CCDC148: variants seen among roughly 807,000 people sequenced by gnomAD.
The protein encoded by CCDC148 is coiled-coil domain-containing protein 148.
CCDC148 carries 89 observed loss-of-function variants against 85.7 expected under a neutral mutation model. That is an observed-to-expected ratio of 1.04 (90% CI 0.87 to 1.24). CCDC148 has a LOEUF of 1.24. CCDC148 is among the 50% of genes most tolerant of loss of function. The pLI, the probability that CCDC148 is intolerant of heterozygous loss-of-function variation, is 0.00. For missense variants in CCDC148, 692 were observed against 671.7 expected (o/e 1.03, Z -0.33); for synonymous variants, 230 against 213.9 (o/e 1.08, Z -0.66).
chr2:158,312,047 T>TCTAAATAATTC (rs1692045372), intron 8 of CCDC148, among the ~76,000 whole-genome samples: 2 of 152,194 alleles, frequency 1.3e-5, no homozygotes, highest in African/African-American at 4.8e-5. Flanking sequence ...TTTGCCAGTA[T>TCTAAATAATTC]AGACCATGAC....
intron 1 of CCDC148, among the ~76,000 whole-genome samples, chr2:158,419,210 T>C (rs72944436): frequency 0.047 from 7,105 of 152,272 alleles, 253 homozygotes; most frequent in Non-Finnish European, 0.063. Context: ...AATAATTCTA[T>C]TGACTTCCAA....
intron 1 of CCDC148, among the ~76,000 whole-genome samples, chr2:158,421,399 C>T (rs1256396358): frequency 4.6e-5 from 7 of 152,200 alleles, no homozygotes; most frequent in East Asian, 1.9e-4. Flanking sequence ...TCTCAGACTA[C>T]AGTGCAATCA....
At chr2:158,398,035 A>G (rs992370075) in intron 1 of CCDC148, among the ~76,000 whole-genome samples, 9 of 152,214 alleles carry the variant, frequency 5.9e-5, no homozygotes, top group African/African-American at 1.7e-4. Context: ...AAAGAAGGCC[A>G]TTACATAATA....
intron 1 of CCDC148, among the ~76,000 whole-genome samples, chr2:158,436,440 C>G (rs1482541014): frequency 6.6e-6 from 1 of 152,150 alleles, no homozygotes; most frequent in Admixed American, 6.5e-5. Context: ...AGAACAAAGA[C>G]ACAACATACC....
At position 158,189,968 on chromosome 2, in the gene CCDC148, C is replaced by T. The variant is rs1685342317; in HGVS notation, c.1371-10972G>A. Among the ~76,000 whole-genome samples the T allele has an allele frequency of 1.3e-5, 2 of 151,890 alleles. 1 individual carries two copies. Among genetic ancestry groups the T allele is most frequent in the South Asian group, 4.1e-4 (2 of 4,820 alleles). ...TGATGGAAAGCATTCTATTGAATAT[C>T]CTAAGCTGTAGGTAAATAACAGGAC... On this transcript the variant is annotated intron_variant, in intron 11 of 13. Transcript: ENST00000283233.
At chr2:158,216,386 CTTTTTTTT>C (rs397697591) in intron 11 of CCDC148, among the ~76,000 whole-genome samples, 38 of 59,468 alleles carry the variant, frequency 6.4e-4, no homozygotes, top group East Asian at 1.0e-3. Context: ...AAGCACAATA[CTTTTTTTT>C]TTTTTTTTTT....
rs527241348 is a variant in CCDC148 at position 158,359,529 on chromosome 2, C to G, written c.26-959G>C. Among the ~76,000 whole-genome samples, 8 of 152,264 alleles carry G rather than the reference C, an allele frequency of 5.3e-5. No homozygotes were observed. The South Asian group carries it at 1.5e-3, about 28-fold the overall frequency. Reference sequence around the variant, plus strand: ...TTAGACAGTGGGTGCAGCCCACAGACAGCAAGCCGAAGCAGGGTGGGGTGT... The same window carrying G: ...TTAGACAGTGGGTGCAGCCCACAGAGAGCAAGCCGAAGCAGGGTGGGGTGT... On this transcript the variant is annotated intron_variant, in intron 1 of 13. Transcript: ENST00000283233.
chr2:158,328,409 A>G (rs922539704), intron 7 of CCDC148, among the ~76,000 whole-genome samples: 1 of 152,112 alleles, frequency 6.6e-6, no homozygotes, highest in African/African-American at 2.4e-5. Context: ...AATCCAGTCT[A>G]TCATTGTTGG....
At chr2:158,180,601 C>T (rs1423359767) in intron 11 of CCDC148, among the ~76,000 whole-genome samples, 1 of 151,970 alleles carries the variant, frequency 6.6e-6, no homozygotes, top group Non-Finnish European at 1.5e-5. Flanking sequence ...TCATGGAGGC[C>T]ACGAGAGGGG....
At chr2:158,198,122 T>C (rs2105279570) in intron 11 of CCDC148, among the ~76,000 whole-genome samples, 1 of 152,258 alleles carries the variant, frequency 6.6e-6, no homozygotes, top group African/African-American at 2.4e-5. Context: ...CATGGAGATT[T>C]GGCAGGAGGA....
intron 9 of CCDC148, among the ~76,000 whole-genome samples, chr2:158,275,890 C>T (rs1689918570): frequency 6.6e-6 from 1 of 151,988 alleles, no homozygotes; most frequent in African/African-American, 2.4e-5. Flanking sequence ...CTTCTCTGTA[C>T]CCATAGAAAT....
At chr2:158,242,003 C>A (rs1242054140) in intron 10 of CCDC148, among the ~76,000 whole-genome samples, 1 of 152,156 alleles carries the variant, frequency 6.6e-6, no homozygotes, top group African/African-American at 2.4e-5. Flanking sequence ...GATGTACTTA[C>A]TAATGAGTCA....
intron 1 of CCDC148, among the ~76,000 whole-genome samples, chr2:158,399,268 AT>A (rs1330027728): frequency 6.6e-6 from 1 of 152,186 alleles, no homozygotes; most frequent in African/African-American, 2.4e-5. Flanking sequence ...TCCCTAACTC[AT>A]TTTATGAGGC....
At chr2:158,246,063 C>T (rs1345888346) in intron 10 of CCDC148, among the ~76,000 whole-genome samples, 1 of 152,160 alleles carries the variant, frequency 6.6e-6, no homozygotes, top group Non-Finnish European at 1.5e-5. Context: ...TTGGTCATAA[C>T]AGACAAATTG....
intron 1 of CCDC148, among the ~76,000 whole-genome samples, chr2:158,398,626 C>A (rs1251671163): frequency 6.6e-6 from 1 of 152,108 alleles, no homozygotes. Flanking sequence ...ACATTTAAAG[C>A]AGTGGGTAGA....
intron 9 of CCDC148, among the ~76,000 whole-genome samples, chr2:158,287,176 A>G (rs1690666261): frequency 6.6e-6 from 1 of 152,112 alleles, no homozygotes; most frequent in Non-Finnish European, 1.5e-5. Context: ...ATTACCTCCT[A>G]CTGGGCCCCT....
chr2:158,353,102 G>A (rs1248374558), intron 2 of CCDC148, among the ~76,000 whole-genome samples: 2 of 151,392 alleles, frequency 1.3e-5, no homozygotes, highest in Admixed American at 6.6e-5. Flanking sequence ...AGAACAACCG[G>A]TACCAGCCGC....
intron 1 of CCDC148, among the ~76,000 whole-genome samples, chr2:158,395,709 A>G (rs1685491969): frequency 6.6e-6 from 1 of 152,122 alleles, no homozygotes; most frequent in Non-Finnish European, 1.5e-5. Flanking sequence ...GAGCAGGAAG[A>G]CAAAGGGCTC....
At chr2:158,277,851 C>T (rs1032258879) in intron 9 of CCDC148, among the ~76,000 whole-genome samples, 2 of 152,144 alleles carry the variant, frequency 1.3e-5, no homozygotes, top group African/African-American at 2.4e-5. Context: ...CCACTTCAGC[C>T]TCCCAAAGGA....
Sources: gnomAD v4.1 joint callset for allele counts (sites outside exome capture counted in the v4.1 genomes callset) on GRCh38, gnomAD v4.1.1 for gene constraint, MANE v1.5 for transcripts, NCBI Gene and HGNC (gene_info 2026-07-23, HGNC 2026-07-21) for gene names.